The following RAB11FIP1 variants were observed in gnomAD, a reference collection of about 807,000 sequenced individuals.
RAB11FIP1 encodes the protein RAB11 family interacting protein 1, also known as rab11 family-interacting protein 1.
RAB11FIP1 carries 49 observed loss-of-function variants against 83.1 expected under a neutral mutation model. The ratio of observed to expected loss-of-function variants is 0.59; its 90% confidence interval spans 0.47 to 0.75. RAB11FIP1 has a LOEUF of 0.75. RAB11FIP1 is among the 30% of genes least tolerant of loss of function. The probability of loss-of-function intolerance (pLI) is 0.00; values close to 1 mark genes in which losing one functional copy is unlikely to be tolerated. For synonymous variants in RAB11FIP1, 670 were observed against 656.0 expected (o/e 1.02, Z -0.33); for missense variants, 1,536 against 1,598.7 (o/e 0.96, Z 0.67).
rs768132133 is a variant in RAB11FIP1, at chr8:37,862,878, G to GT, written c.*16dup. On this transcript the variant is annotated 3_prime_UTR_variant, in exon 6 of 6. Coordinates refer to ENST00000330843, the MANE Select transcript of RAB11FIP1 (RefSeq NM_001002814.3). ...AGTGAAGTCACAGAAACGTCTCGGT[G>GT]TTTTTTTTCTGCTGATTTACATCTT... 4.9e-5 allele frequency: 78 copies of GT among 1,591,512 alleles called. No individual in the cohort carries two copies. Among genetic ancestry groups the GT allele is most frequent in the East Asian group, 1.1e-4 (5 of 44,560 alleles).
At chr8:37,878,795 T>C (rs1806675501) in intron 1 of RAB11FIP1, among the ~76,000 whole-genome samples, 1 of 146,724 alleles carries the variant, frequency 6.8e-6, no homozygotes, top group African/African-American at 2.5e-5. Flanking sequence ...AGGCCAGGAG[T>C]TCAAGACCAG....
At chr8:37,877,610 C>A (rs1329614208) in intron 1 of RAB11FIP1, 59 bp from the exon 2 acceptor site, 1 of 1,132,910 alleles carries the variant, frequency 8.8e-7, no homozygotes, top group Non-Finnish European at 1.3e-6. Flanking sequence ...ACAATGTTCA[C>A]AATCCCCATG....
Position 37,899,300 on chromosome 8 carries a change from C to G in RAB11FIP1, c.142G>C (p.Gly48Arg). The G allele has an allele frequency of 1.2e-6, 2 of 1,609,858 alleles. No individual in the cohort carries two copies. The highest frequency in any genetic ancestry group is 1.7e-6 in the Non-Finnish European group (2 of 1,178,902). ...TSDAYAVIQVGKEKYATSVSE... is the reference protein window; with the variant it reads ...TSDAYAVIQVRKEKYATSVSE... ...ACGGAGGTGGCGTACTTCTCCTTGC[C>G]CACCTGGATCACCGCGTACGCGTCG... Residue 48 changes from glycine to arginine, a missense_variant, in exon 1 of 6, where the codon GGC becomes CGC. Transcript: ENST00000330843. The surrounding 1 kb of genome is among the most constrained non-coding windows in gnomAD (Gnocchi z 4.5).
chr8:37,882,815 G>T (rs1806754522), intron 1 of RAB11FIP1, among the ~76,000 whole-genome samples: 1 of 152,108 alleles, frequency 6.6e-6, no homozygotes, highest in South Asian at 2.1e-4. Flanking sequence ...ACTTCCTAAT[G>T]GTTTTTGAGC....
Position 37,861,176 on chromosome 8 carries a change from C to G in RAB11FIP1, c.*1719G>C, listed in dbSNP as rs565451368. ...CTGGTGCTTTTAGCTAAGAAGGAAGCAAGTGCCCTAGTTAAAAAAAAAAAA... is the reference window on the plus strand; with the variant it reads ...CTGGTGCTTTTAGCTAAGAAGGAAGGAAGTGCCCTAGTTAAAAAAAAAAAA... On this transcript the variant is annotated 3_prime_UTR_variant, in exon 6 of 6. Transcript: ENST00000330843. 11 of 151,070 alleles carry G rather than the reference C, an allele frequency of 7.3e-5. No homozygotes were observed. The highest frequency in any genetic ancestry group is 2.5e-4 in the African/African-American group (10 of 40,378). 9.4% of individuals were successfully genotyped at this position (151,070 alleles called of 1,614,324 possible). A position where few individuals can be genotyped will look rare whatever the true frequency, so the allele number is the denominator to read the frequency against.
At chr8:37,864,454 T>C (rs1806303147) in intron 5 of RAB11FIP1, among the ~76,000 whole-genome samples, 1 of 152,220 alleles carries the variant, frequency 6.6e-6, no homozygotes, top group Non-Finnish European at 1.5e-5. Context: ...TTTACTGCCC[T>C]GAGGGTCTAA....
chr8:37,877,224 C>T lies in RAB11FIP1; in HGVS notation c.699G>A (p.Gln233=). The T allele has an allele frequency of 6.2e-7, 1 of 1,614,148 alleles. No homozygotes were observed. Among genetic ancestry groups the T allele is most frequent in the South Asian group, 1.1e-5 (1 of 91,086 alleles). Reference sequence around the variant, plus strand: ...TTGAAGTCGGCAGGACAGACATGGACTGGGAAAGAGGCGTCTTCTGCAAAT... The same window carrying T: ...TTGAAGTCGGCAGGACAGACATGGATTGGGAAAGAGGCGTCTTCTGCAAAT... ...KSNLQKTPLS[Q]SMSVLPTSKP... Residue 233 remains glutamine (Q), a synonymous_variant, in exon 2 of 6, where the codon CAG becomes CAA. Coordinates refer to ENST00000330843, the MANE Select transcript of RAB11FIP1 (RefSeq NM_001002814.3).
intron 1 of RAB11FIP1, among the ~76,000 whole-genome samples, chr8:37,878,431 G>A (rs751170578): frequency 1.3e-5 from 2 of 148,952 alleles, no homozygotes; most frequent in Non-Finnish European, 3.0e-5. Context: ...CTACTCAGGA[G>A]ACCGTGGCAG....
intron 1 of RAB11FIP1, among the ~76,000 whole-genome samples, chr8:37,883,726 A>G (rs1408532993): frequency 6.6e-6 from 1 of 152,296 alleles, no homozygotes; most frequent in East Asian, 1.9e-4. Flanking sequence ...CATAAATAAT[A>G]AAGTCCCAGC....
Position 37,861,742 on chromosome 8 carries a change from C to T in RAB11FIP1, c.*1153G>A. ...TAGCTGGGATTACAGGCACGCACCA[C>T]CATGCCAAGCTAATTTTTGTATTTT... On this transcript the variant is annotated 3_prime_UTR_variant, in exon 6 of 6. Transcript: ENST00000330843. The T allele has an allele frequency of 5.6e-6, 2 of 354,000 alleles. No homozygotes were observed. Among genetic ancestry groups the T allele is most frequent in the South Asian group, 4.3e-5 (2 of 46,560 alleles). 21.9% of individuals were successfully genotyped at this position (354,000 alleles called of 1,614,324 possible).
chr8:37,887,281 A>G (rs1450938994), intron 1 of RAB11FIP1, among the ~76,000 whole-genome samples: 1 of 152,220 alleles, frequency 6.6e-6, no homozygotes, highest in African/African-American at 2.4e-5. Flanking sequence ...CTGTAATCCC[A>G]GCACATTGGG....
rs1023764247 is a variant in RAB11FIP1, at chr8:37,859,097, G to T, written c.*3798C>A. The T allele has an allele frequency of 6.6e-6, 1 of 152,132 alleles. No individual in the cohort carries two copies. The highest frequency in any genetic ancestry group is 1.5e-5 in the Non-Finnish European group (1 of 68,030). 9.4% of individuals were successfully genotyped at this position (152,132 alleles called of 1,614,324 possible). A position where few individuals can be genotyped will look rare whatever the true frequency, so the allele number is the denominator to read the frequency against. On this transcript the variant is annotated 3_prime_UTR_variant, in exon 6 of 6. Coordinates refer to ENST00000330843, the MANE Select transcript of RAB11FIP1 (RefSeq NM_001002814.3). ...AAAAACGTTGGGCGATCCTTCAGTT[G>T]GAGGAAGAGGGCGTCAGTTAAGTAG...
chr8:37,868,577 C>G (rs1273984634), intron 5 of RAB11FIP1, among the ~76,000 whole-genome samples: 1 of 152,204 alleles, frequency 6.6e-6, no homozygotes, highest in Non-Finnish European at 1.5e-5. Flanking sequence ...GGAAGTCCCT[C>G]TCTACATATT....
chr8:37,885,963 C>T (rs1425110859), intron 1 of RAB11FIP1, among the ~76,000 whole-genome samples: 2 of 152,188 alleles, frequency 1.3e-5, no homozygotes, highest in African/African-American at 4.8e-5. Flanking sequence ...AAAGCCTTCC[C>T]GTGCAGCCCT....
chr8:37,878,954 G>C (rs925412189), intron 1 of RAB11FIP1, among the ~76,000 whole-genome samples: 1 of 152,058 alleles, frequency 6.6e-6, no homozygotes. Flanking sequence ...CTCTAGTCTG[G>C]GTGACAAAGT....
chr8:37,882,972 G>C (rs1806756636), intron 1 of RAB11FIP1, among the ~76,000 whole-genome samples: 1 of 152,098 alleles, frequency 6.6e-6, no homozygotes, highest in Admixed American at 6.6e-5. Context: ...AACTGTTCTT[G>C]CTGCTTAATT....
chr8:37,893,847 T>G (rs1013864603), intron 1 of RAB11FIP1, among the ~76,000 whole-genome samples: 1 of 152,024 alleles, frequency 6.6e-6, no homozygotes, highest in African/African-American at 2.4e-5. Context: ...TAGAACTTTC[T>G]CCATACTAAC....
In RAB11FIP1 at chr8:37,877,120, G is replaced by C; in HGVS notation, c.803C>G (p.Ser268Trp). ...AGGCAGAAACTCACCATCCGAGGCCGAGGAGGACTCATCCTCATTGTCATC... is the reference window on the plus strand; with the variant it reads ...AGGCAGAAACTCACCATCCGAGGCCCAGGAGGACTCATCCTCATTGTCATC... ...DEDDNEDESS[S>W]ASDVMSHKRT... Residue 268 changes from serine to tryptophan, a missense_variant, in exon 2 of 6, where the codon TCG (serine) becomes TGG (tryptophan). Coordinates refer to ENST00000330843, the MANE Select transcript of RAB11FIP1 (RefSeq NM_001002814.3). 2 of 1,610,706 alleles carry C rather than the reference G, an allele frequency of 1.2e-6. No homozygotes were observed. The highest frequency in any genetic ancestry group is 1.7e-6 in the Non-Finnish European group (2 of 1,177,154).
In RAB11FIP1 at chr8:37,861,599, C is replaced by T. The variant is rs1806233708; in HGVS notation, c.*1296G>A. On this transcript the variant is annotated 3_prime_UTR_variant, in exon 6 of 6. Transcript: ENST00000330843. The stretch of plus-strand genomic sequence containing the variant: ...GAGTCTTAAAAAAATTGCCCAGGCT[C>T]TTTTTTTAAGAGTCTTAAAAAAACT... The T allele has an allele frequency of 2.3e-6, 1 of 439,258 alleles. No homozygotes were observed. Among genetic ancestry groups the T allele is most frequent in the African/African-American group, 2.1e-5 (1 of 48,150 alleles). 27.2% of individuals were successfully genotyped at this position (439,258 alleles called of 1,614,324 possible).
Sources: gnomAD v4.1 joint callset for allele counts (sites outside exome capture counted in the v4.1 genomes callset) on GRCh38, gnomAD v4.1.1 for gene constraint, Gnocchi (gnomAD v3.1) non-coding constraint, MANE v1.5 for transcripts, NCBI Gene and HGNC (gene_info 2026-07-23, HGNC 2026-07-21) for gene names.